The following ACTN4 variants were observed in gnomAD, a reference collection of about 807,000 sequenced individuals.
The protein encoded by ACTN4 is alpha-actinin-4.
In ACTN4, 18 loss-of-function variants were observed where a neutral mutation model predicts 114.2. The ratio of observed to expected loss-of-function variants is 0.16; its 90% CI spans 0.11 to 0.23. The LOEUF (loss-of-function observed/expected upper bound fraction) is 0.23, where lower values mean the gene tolerates loss of function less well. ACTN4 is among the 10% of genes least tolerant of loss of function. The pLI, the probability that ACTN4 is intolerant of heterozygous loss-of-function variation, is 1.00. For synonymous variants in ACTN4, 515 were observed against 506.3 expected, an observed-to-expected ratio of 1.02 and a Z score of -0.23; for missense variants, 722 against 1,262.9, an observed-to-expected ratio of 0.57 and a Z score of 6.49.
chr19:38,662,700 G>C (rs1976924466), intron 1 of ACTN4, among the ~76,000 whole-genome samples: 1 of 152,132 alleles, frequency 6.6e-6, no homozygotes, highest in Non-Finnish European at 1.5e-5. Context: ...CCCACGTTTG[G>C]GACACAGCTG....
At chr19:38,678,957 C>T (rs1015661312) in intron 1 of ACTN4, among the ~76,000 whole-genome samples, 2 of 152,136 alleles carry the variant, frequency 1.3e-5, no homozygotes, top group African/African-American at 4.8e-5. Context: ...CTTTGCTTTG[C>T]CCAGCGGCCT....
At chr19:38,650,845 C>T (rs756109272) in intron 1 of ACTN4, among the ~76,000 whole-genome samples, 6 of 152,124 alleles carry the variant, frequency 3.9e-5, no homozygotes, top group Non-Finnish European at 7.4e-5. Context: ...AAGCGATTCT[C>T]CTGCCTCAGC....
In ACTN4 at chr19:38,673,466, T is replaced by C. The variant is rs1191595951; in HGVS notation, c.162+25559T>C. On this transcript the variant is annotated intron_variant, in intron 1 of 20. Transcript: ENST00000252699. Reference sequence around the variant, plus strand: ...TTATATATATATATTCATATATATTTATATATATTTATATATATATTCATA... The same window carrying C: ...TTATATATATATATTCATATATATTCATATATATTTATATATATATTCATA... Among the ~76,000 whole-genome samples, 67 of 91,706 alleles carry C rather than the reference T, an allele frequency of 7.3e-4. 2 individuals are homozygous for C. In the East Asian group the frequency reaches 0.015, roughly 21 times the overall value. The allele number at this position is 91,706 out of a possible 152,430, so 60.2% of individuals were successfully genotyped here.
chr19:38,701,499 G>T (rs1370487877), intron 3 of ACTN4, among the ~76,000 whole-genome samples: 1 of 152,206 alleles, frequency 6.6e-6, no homozygotes, highest in African/African-American at 2.4e-5. Flanking sequence ...TCTGTACCAG[G>T]AACACCTTTC....
intron 1 of ACTN4, among the ~76,000 whole-genome samples, chr19:38,684,668 A>G (rs1468647087): frequency 1.3e-5 from 2 of 152,154 alleles, no homozygotes; most frequent in Non-Finnish European, 2.9e-5. Flanking sequence ...TTAATGGAGC[A>G]ATTATGAGTC....
Position 38,724,664 on chromosome 19 carries a change from C to G in ACTN4, c.2010+99C>G. ...GCCCAGGGCCTGCAGACTGAGGCGC[C>G]TGGCAGAGCAGGTCCCAATTCTCAC... On this transcript the variant is annotated intron_variant, in intron 16 of 20. Transcript: ENST00000252699. The surrounding 1 kb of genome is among the most constrained non-coding windows in gnomAD (Gnocchi z 7.0). 6.3e-7 allele frequency: 1 copy of G among 1,581,594 alleles called. No individual in the cohort carries two copies. The highest frequency in any genetic ancestry group is 8.6e-7 in the Non-Finnish European group (1 of 1,163,188).
intron 1 of ACTN4, among the ~76,000 whole-genome samples, chr19:38,657,299 C>T (rs1370932996): frequency 5.3e-5 from 8 of 152,048 alleles, no homozygotes; most frequent in African/African-American, 9.7e-5. Context: ...CGCGCCACGA[C>T]GCCCAGCTAA....
chr19:38,670,698 G>A (rs879884992), intron 1 of ACTN4, among the ~76,000 whole-genome samples: 23 of 152,126 alleles, frequency 1.5e-4, no homozygotes, highest in Non-Finnish European at 2.9e-4. Context: ...GCTGAGGAGG[G>A]TGGATCACGA....
intron 1 of ACTN4, among the ~76,000 whole-genome samples, chr19:38,655,573 C>T (rs1283516362): frequency 6.6e-6 from 1 of 152,206 alleles, no homozygotes; most frequent in Non-Finnish European, 1.5e-5. Context: ...CAGGAGCACA[C>T]AGCCCCTCTT....
intron 1 of ACTN4, among the ~76,000 whole-genome samples, chr19:38,686,671 G>A (rs541360343): frequency 6.6e-6 from 1 of 152,354 alleles, no homozygotes; most frequent in South Asian, 2.1e-4. Context: ...CGCTCTGTGG[G>A]CCCCACCTGC....
chr19:38,729,921 C>A lies in ACTN4; in HGVS notation c.*489C>A. On this transcript the variant is annotated 3_prime_UTR_variant, in exon 21 of 21. Transcript: ENST00000252699. The stretch of plus-strand genomic sequence containing the variant: ...TGGGGACCCACCCAGCCCCTCTCCC[C>A]TCTCTGCTCCAGACTCACTTGCCAT... 1 of 350,030 alleles carries A rather than the reference C, an allele frequency of 2.9e-6. No homozygotes were observed. The highest frequency in any genetic ancestry group is 5.7e-6 in the Non-Finnish European group (1 of 176,928). The allele number at this position is 350,030 out of a possible 1,614,324, so 21.7% of individuals were successfully genotyped here. A position where few individuals can be genotyped will look rare whatever the true frequency, so the allele number is the denominator to read the frequency against.
At chr19:38,708,075 A>G (rs1353052206) in intron 5 of ACTN4, 42 bp from the exon 6 acceptor site, 2 of 1,592,022 alleles carry the variant, frequency 1.3e-6, no homozygotes. Context: ...CTCTCATGAC[A>G]GTGAGCGGGC....
In ACTN4 at chr19:38,723,640, A is replaced by G. The variant is rs556555602; in HGVS notation, c.1469A>G (p.Asn490Ser). The change falls in exon 13 of 21, where the codon AAT (asparagine) becomes AGT (serine). Residue 490 changes from asparagine (N) to serine (S), a missense_variant. Around this residue, in one of 3 missense-constraint regions of ACTN4, gnomAD observed 523 missense variants for 875.9 expected, o/e 0.60. Transcript: ENST00000252699. ...GAGCTGGATTACTACGACTCCCACA[A>G]TGTCAACACCCGGTGCCAGAAGATC... ...LNELDYYDSH[N>S]VNTRCQKICD... The G allele has an allele frequency of 1.6e-5, 26 of 1,613,276 alleles. No homozygotes were observed. Among genetic ancestry groups the G allele is most frequent in the African/African-American group, 5.3e-5 (4 of 74,968 alleles).
intron 1 of ACTN4, among the ~76,000 whole-genome samples, chr19:38,673,576 T>C (rs8182573): frequency 2.0e-4 from 10 of 48,914 alleles, no homozygotes; most frequent in South Asian, 5.8e-4. Flanking sequence ...TTTATATATA[T>C]TCATATATAT....
chr19:38,717,842 C>T lies in ACTN4; in HGVS notation c.1144-85C>T. 5.9e-6 allele frequency: 9 copies of T among 1,534,370 alleles called. No individual in the cohort carries two copies. The highest frequency in any genetic ancestry group is 7.9e-6 in the Non-Finnish European group (9 of 1,134,490). On this transcript the variant is annotated intron_variant, in intron 10 of 20. Coordinates refer to ENST00000252699, the MANE Select transcript of ACTN4 (RefSeq NM_004924.6). This position sits in a 1 kb window ranked among gnomAD's most constrained non-coding sequence, Gnocchi z 4.0. The stretch of plus-strand genomic sequence containing the variant: ...ACATGACCCCAGCCAAGTTCTGCCA[C>T]CTTCCCATCAGCATCCCTTGGAGAC...
At chr19:38,715,711 G>T (rs1968816658) in intron 9 of ACTN4, among the ~76,000 whole-genome samples, 1 of 152,152 alleles carries the variant, frequency 6.6e-6, no homozygotes, top group Non-Finnish European at 1.5e-5. Context: ...CTAACACCAA[G>T]ATAAGGTAAA....
chr19:38,682,338 T>C (rs1200577445), intron 1 of ACTN4, among the ~76,000 whole-genome samples: 8 of 151,922 alleles, frequency 5.3e-5, no homozygotes, highest in Non-Finnish European at 1.0e-4. Context: ...CCATGCCCTG[T>C]CTCTTTTTTT....
chr19:38,726,012 C>G (rs1746076864), intron 17 of ACTN4, 109 bp downstream of exon 17: 4 of 1,452,428 alleles, frequency 2.8e-6, no homozygotes, highest in South Asian at 1.2e-5. Flanking sequence ...TTGTTTTTCA[C>G]TCTGTTTAAA....
intron 1 of ACTN4, among the ~76,000 whole-genome samples, chr19:38,679,506 A>G (rs1374526673): frequency 2.0e-5 from 3 of 151,346 alleles, no homozygotes; most frequent in African/African-American, 4.9e-5. Flanking sequence ...TTGTTTCATC[A>G]GTGTCTCCCA....
Sources: gnomAD v4.1 joint callset for allele counts (sites outside exome capture counted in the v4.1 genomes callset) on GRCh38, gnomAD v4.1.1 for gene constraint, gnomAD v4.1.1 regional missense constraint, Gnocchi (gnomAD v3.1) non-coding constraint, MANE v1.5 for transcripts, NCBI Gene and HGNC (gene_info 2026-07-23, HGNC 2026-07-21) for gene names.